CWF19L1: variants seen among roughly 807,000 people sequenced by gnomAD.
CWF19L1 encodes CWF19 like cell cycle control factor 1, also known as CWF19-like protein 1.
Under a neutral mutation model 69.7 loss-of-function variants are expected in CWF19L1, and 60 were observed. The ratio of observed to expected loss-of-function variants is 0.86; its 90% CI spans 0.70 to 1.07. CWF19L1 has a LOEUF of 1.07. CWF19L1 is among the 50% of genes least tolerant of loss of function. CWF19L1 has a pLI of 0.00. For synonymous variants in CWF19L1, 209 were observed against 222.2 expected, an observed-to-expected ratio of 0.94 and a Z score of 0.53; for missense variants, 591 against 638.9, an observed-to-expected ratio of 0.92 and a Z score of 0.81.
intron 1 of CWF19L1, among the ~76,000 whole-genome samples, chr10:100,263,831 C>A (rs2134326785): frequency 6.6e-6 from 1 of 152,358 alleles, no homozygotes; most frequent in South Asian, 2.1e-4. Context: ...TCTGTCATCA[C>A]TCTACCTAAT....
intron 1 of CWF19L1, among the ~76,000 whole-genome samples, chr10:100,265,716 TCAC>T (rs1368667819): frequency 6.6e-6 from 1 of 152,082 alleles, no homozygotes; most frequent in East Asian, 1.9e-4. Context: ...ACACAGGGTT[TCAC>T]CATGTTGGCC....
At chr10:100,266,590 C>G (rs892957234) in intron 1 of CWF19L1, among the ~76,000 whole-genome samples, 2 of 151,682 alleles carry the variant, frequency 1.3e-5, no homozygotes, top group African/African-American at 4.8e-5. Flanking sequence ...TGTCGGCTCA[C>G]TGTGCAACCT....
chr10:100,259,880 A>G (rs1847336428), intron 4 of CWF19L1, among the ~76,000 whole-genome samples: 1 of 152,150 alleles, frequency 6.6e-6, no homozygotes, highest in Non-Finnish European at 1.5e-5. Flanking sequence ...AATACAACAA[A>G]TATCGGCCAG....
intron 1 of CWF19L1, among the ~76,000 whole-genome samples, chr10:100,265,825 G>A (rs1034556256): frequency 6.6e-6 from 1 of 151,984 alleles, no homozygotes; most frequent in Admixed American, 6.6e-5. Context: ...CCGGCCAGGT[G>A]TTTTCACTGT....
At chr10:100,253,002 T>G (rs1253032157) in intron 6 of CWF19L1, among the ~76,000 whole-genome samples, 1 of 152,170 alleles carries the variant, frequency 6.6e-6, no homozygotes, top group African/African-American at 2.4e-5. Context: ...TATCTCATAT[T>G]TATTTGTGGT....
At chr10:100,237,125 G>C (rs767090083) in intron 11 of CWF19L1, 156 bp from the exon 12 acceptor site, 2 of 918,406 alleles carry the variant, frequency 2.2e-6, no homozygotes, top group East Asian at 4.9e-5. Flanking sequence ...CAGCCTGTCT[G>C]TAAGGACTTA....
At chr10:100,251,868 G>GT in intron 6 of CWF19L1, among the ~76,000 whole-genome samples, 1 of 152,232 alleles carries the variant, frequency 6.6e-6, no homozygotes, top group Non-Finnish European at 1.5e-5. Flanking sequence ...TAAGAACTGT[G>GT]TAAGTTTTGA....
At chr10:100,261,066 G>C (rs1402930739) in intron 2 of CWF19L1, 22 bp from the exon 3 acceptor site, 2 of 1,514,658 alleles carry the variant, frequency 1.3e-6, no homozygotes, top group East Asian at 4.5e-5. Flanking sequence ...TTTTTAAACA[G>C]ATATATGAGA....
At chr10:100,237,058 CAG>C (rs1362360456) in intron 11 of CWF19L1, 89 bp from the exon 12 acceptor site, 2 of 1,471,644 alleles carry the variant, frequency 1.4e-6, no homozygotes, top group Non-Finnish European at 1.8e-6. Flanking sequence ...AAATCCATCA[CAG>C]GGGTGGAGAA....
rs138283848 is a variant in CWF19L1, at chr10:100,249,603, G to A, written c.708+645C>T. 2.7e-3 allele frequency among the ~76,000 whole-genome samples: 416 copies of A among 151,558 alleles called. 2 individuals are homozygous for A. Among genetic ancestry groups the A allele is most frequent in the African/African-American group, 9.5e-3 (394 of 41,300 alleles). On this transcript the variant is annotated intron_variant, in intron 7 of 13. Transcript: ENST00000354105. ...CTGGGTTTCTTTTTTTTTGTTTCCC[G>A]AGACAGAGTCTCACTTTGTCACCCA...
Position 100,236,891 on chromosome 10 carries a change from T to A in CWF19L1, c.1333A>T (p.Ile445Leu). 1.2e-6 allele frequency: 2 copies of A among 1,612,120 alleles called. No homozygotes were observed. Among genetic ancestry groups the A allele is most frequent in the Non-Finnish European group, 1.7e-6 (2 of 1,179,106 alleles). ...AFITQAQEQQ[I>L]ELLEIPEHSD... The stretch of plus-strand genomic sequence containing the variant: ...TGCTCTGGGATTTCCAACAGCTCTA[T>A]CTGCTGCTCCTGTGCCTGGGTAATG... Residue 445 changes from isoleucine to leucine, a missense_variant, in exon 12 of 14, where the codon ATA becomes TTA. Ile to Leu is a conservative substitution (Grantham distance 5). Coordinates refer to ENST00000354105, the MANE Select transcript of CWF19L1 (RefSeq NM_018294.6).
chr10:100,255,555 G>A (rs1847181929), intron 5 of CWF19L1, among the ~76,000 whole-genome samples: 1 of 152,148 alleles, frequency 6.6e-6, no homozygotes, highest in Non-Finnish European at 1.5e-5. Flanking sequence ...CTGAGCTCAG[G>A]AGTTCATGAC....
intron 7 of CWF19L1, chr10:100,248,557 A>G (rs1846910558): frequency 1.4e-6 from 1 of 725,474 alleles, no homozygotes; most frequent in African/African-American, 1.7e-5. Flanking sequence ...GCCTGTCGCT[A>G]GCCAGCTTCC....
chr10:100,245,640 A>G lies in CWF19L1; in HGVS notation c.964+159T>C, dbSNP rs1359708167. ...GATGGTGCAGTCACCACACCTGGCC[A>G]AGGCCATGTTTATATTTTATTTTTA... On this transcript the variant is annotated intron_variant, in intron 9 of 13. Transcript: ENST00000354105. Among the ~76,000 whole-genome samples, 5 of 152,230 alleles carry G rather than the reference A, an allele frequency of 3.3e-5. No individual in the cohort carries two copies. The East Asian group carries it at 9.6e-4, about 29-fold the overall frequency.
chr10:100,260,320 C>T lies in CWF19L1; in HGVS notation c.188-1G>A. 6.4e-7 allele frequency: 1 copy of T among 1,561,376 alleles called. No homozygotes were observed. On this transcript the variant is annotated splice_acceptor_variant, in intron 3 of 13. Coordinates refer to ENST00000354105, the MANE Select transcript of CWF19L1 (RefSeq NM_018294.6). LOFTEE classifies it high-confidence loss of function. ...CCAAGCACATATGTCTGAATAGGAGCTAGTGAGGGAAACAGACATGACACC... is the reference window on the plus strand; with the variant it reads ...CCAAGCACATATGTCTGAATAGGAGTTAGTGAGGGAAACAGACATGACACC...
chr10:100,267,277 G>A (rs923807288), intron 1 of CWF19L1, among the ~76,000 whole-genome samples: 1 of 152,122 alleles, frequency 6.6e-6, no homozygotes, highest in African/African-American at 2.4e-5. Context: ...AGAAACGAAG[G>A]GGAAAGGATG....
At chr10:100,259,962 C>T (rs948082307) in intron 4 of CWF19L1, among the ~76,000 whole-genome samples, 3 of 151,998 alleles carry the variant, frequency 2.0e-5, no homozygotes, top group African/African-American at 4.8e-5. Context: ...GTAAGGAGAT[C>T]GAGATGATCC....
intron 6 of CWF19L1, among the ~76,000 whole-genome samples, chr10:100,252,625 G>C (rs1847077281): frequency 6.6e-6 from 1 of 152,032 alleles, no homozygotes; most frequent in African/African-American, 2.4e-5. Flanking sequence ...ATGAGATCAA[G>C]AGTTCAAGAC....
At position 100,253,516 on chromosome 10, in the gene CWF19L1, ACAT is replaced by A. The variant is rs1481678345; in HGVS notation, c.525_527del (p.Lys175_Cys176delinsAsn). 2 of 1,613,698 alleles carry A rather than the reference ACAT, an allele frequency of 1.2e-6. No homozygotes were observed. The highest frequency in any genetic ancestry group is 1.7e-6 in the Non-Finnish European group (2 of 1,179,610). On this transcript the variant is annotated inframe_deletion, in exon 6 of 14. Transcript: ENST00000354105. ...CAAGACTGGAAACCAAAGCAGAACC[ACAT>A]TTTTTGGTATCCACTTCTCCCTAGT...
Sources: gnomAD v4.1 joint callset for allele counts (sites outside exome capture counted in the v4.1 genomes callset) on GRCh38, gnomAD v4.1.1 for gene constraint, MANE v1.5 for transcripts, NCBI Gene and HGNC (gene_info 2026-07-23, HGNC 2026-07-21) for gene names.